The following RALYL variants were observed in gnomAD, a reference collection of about 807,000 sequenced individuals.
The protein encoded by RALYL is RNA-binding Raly-like protein.
RALYL carries 29 observed loss-of-function variants against 35.1 expected under a neutral mutation model. The ratio of observed to expected loss-of-function variants is 0.83; its 90% confidence interval spans 0.61 to 1.13. The LOEUF (loss-of-function observed/expected upper bound fraction) is 1.13. Ranked by LOEUF, RALYL falls within the 50% of genes most tolerant of loss-of-function variation. The probability of loss-of-function intolerance (pLI) is 0.00; values close to 1 mark genes in which losing one functional copy is unlikely to be tolerated. For missense variants in RALYL, 359 were observed against 360.4 expected, an observed-to-expected ratio of 1.00 and a Z score of 0.03; for synonymous variants, 120 against 127.6, an observed-to-expected ratio of 0.94 and a Z score of 0.40.
chr8:84,789,586 G>A (rs994550168), intron 3 of RALYL, among the ~76,000 whole-genome samples: 7 of 152,198 alleles, frequency 4.6e-5, no homozygotes, highest in South Asian at 2.1e-4. Flanking sequence ...GGCTGGGTGC[G>A]GTGGTTCACA....
intron 1 of RALYL, among the ~76,000 whole-genome samples, chr8:84,444,102 G>A (rs2048616886): frequency 6.6e-6 from 1 of 152,122 alleles, no homozygotes; most frequent in South Asian, 2.1e-4. Context: ...GTCAAGGCAG[G>A]AGAATCACTT....
chr8:84,264,248 C>G (rs1421187787), intron 1 of RALYL, among the ~76,000 whole-genome samples: 2 of 152,102 alleles, frequency 1.3e-5, no homozygotes, highest in South Asian at 2.1e-4. Flanking sequence ...AAAAGCATTC[C>G]TATTTCTCCA....
At position 84,463,656 on chromosome 8, in the gene RALYL, T is replaced by C. The variant is rs181558866; in HGVS notation, c.-23-65643T>C. Among the ~76,000 whole-genome samples the C allele has an allele frequency of 3.9e-5, 6 of 152,228 alleles. No individual in the cohort carries two copies. The East Asian group carries it at 1.2e-3, about 29-fold the overall frequency. ...TTCTTTAAGCTTATGTTTATTCCTC[T>C]GTAAAATAATGATGATAACAATGCT... is the stretch of plus-strand genomic sequence containing the variant. On this transcript the variant is annotated intron_variant, in intron 1 of 8. Coordinates refer to ENST00000521268, the MANE Select transcript of RALYL (RefSeq NM_173848.7).
At chr8:84,206,427 T>C (rs1427883723) in intron 1 of RALYL, among the ~76,000 whole-genome samples, 2 of 152,166 alleles carry the variant, frequency 1.3e-5, no homozygotes, top group Non-Finnish European at 2.9e-5. Flanking sequence ...GAACTTTTCT[T>C]ATTAGAAAAT....
intron 2 of RALYL, among the ~76,000 whole-genome samples, chr8:84,755,848 A>T (rs1276763219): frequency 7.3e-5 from 11 of 149,904 alleles, no homozygotes; most frequent in Non-Finnish European, 1.2e-4. Context: ...AGCTATTATT[A>T]AAAAAGGCAA....
At chr8:84,579,433 C>G (rs1810318661) in intron 2 of RALYL, among the ~76,000 whole-genome samples, 1 of 152,158 alleles carries the variant, frequency 6.6e-6, no homozygotes, top group South Asian at 2.1e-4. Context: ...GCGTGGGGCT[C>G]CAGCCCTAAT....
chr8:84,746,973 CAT>C (rs34146239), intron 2 of RALYL, among the ~76,000 whole-genome samples: 6,079 of 151,780 alleles, frequency 0.04, 373 homozygotes, highest in African/African-American at 0.14. Context: ...TTAATGATCA[CAT>C]ATTTATCTGG....
chr8:84,529,655 C>A lies in RALYL; in HGVS notation c.256+78C>A, dbSNP rs566210220. The A allele has an allele frequency of 6.7e-6, 9 of 1,337,386 alleles. No homozygotes were observed. The African/African-American group carries it at 1.0e-4, about 15-fold the overall frequency. 82.8% of individuals were successfully genotyped at this position (1,337,386 alleles called of 1,614,324 possible). A position where few individuals can be genotyped will look rare whatever the true frequency, so the allele number is the denominator to read the frequency against. On this transcript the variant is annotated intron_variant, in intron 2 of 8. Coordinates refer to ENST00000521268, the MANE Select transcript of RALYL (RefSeq NM_173848.7). ...TGTTTTATTTCACAAAACCCAACAC[C>A]ACTGTTGTTTCTACCTCTTCTTTAA...
At chr8:84,376,186 G>A (rs1856876843) in intron 1 of RALYL, among the ~76,000 whole-genome samples, 1 of 151,780 alleles carries the variant, frequency 6.6e-6, no homozygotes, top group African/African-American at 2.4e-5. Context: ...CAAGGAACAA[G>A]GGCAGGCACT....
At chr8:84,449,290 G>A (rs1029868610) in intron 1 of RALYL, among the ~76,000 whole-genome samples, 1 of 151,882 alleles carries the variant, frequency 6.6e-6, no homozygotes, top group Admixed American at 6.6e-5. Context: ...GGCAACAGTG[G>A]GGAGCTTTGA....
rs562975445 is a variant in RALYL, at chr8:84,806,394, C to T, written c.365+1592C>T. On this transcript the variant is annotated intron_variant, in intron 4 of 8. Transcript: ENST00000521268. ...AAAGGCCTGAAATAGCTTCTCTTCACGCCTCACTTCATGTAGTTTCTGTGC... is the reference window on the plus strand; with the variant it reads ...AAAGGCCTGAAATAGCTTCTCTTCATGCCTCACTTCATGTAGTTTCTGTGC... Among the ~76,000 whole-genome samples the T allele has an allele frequency of 7.5e-4, 114 of 152,222 alleles. 2 individuals are homozygous for T. The South Asian group carries it at 0.021, about 28-fold the overall frequency.
At chr8:84,738,490 A>G (rs1182359637) in intron 2 of RALYL, among the ~76,000 whole-genome samples, 2 of 152,044 alleles carry the variant, frequency 1.3e-5, no homozygotes, top group Admixed American at 1.3e-4. Context: ...TTAGATTTGC[A>G]TCACTGGCAG....
At chr8:84,233,682 G>A (rs751815156) in intron 1 of RALYL, among the ~76,000 whole-genome samples, 2 of 152,114 alleles carry the variant, frequency 1.3e-5, no homozygotes, top group Non-Finnish European at 1.5e-5. Context: ...TACTCACCAA[G>A]TCCTACTCAT....
At chr8:84,445,531 C>G (rs2048759768) in intron 1 of RALYL, among the ~76,000 whole-genome samples, 1 of 151,652 alleles carries the variant, frequency 6.6e-6, no homozygotes, top group Non-Finnish European at 1.5e-5. Context: ...TCCTGCATAT[C>G]ATAGTTCTAT....
intron 1 of RALYL, among the ~76,000 whole-genome samples, chr8:84,476,243 T>C (rs534321113): frequency 3.3e-5 from 5 of 152,320 alleles, no homozygotes; most frequent in African/African-American, 4.8e-5. Context: ...TAATTCTATT[T>C]CATATATCCA....
At chr8:84,590,325 A>T (rs1364844997) in intron 2 of RALYL, among the ~76,000 whole-genome samples, 1 of 152,208 alleles carries the variant, frequency 6.6e-6, no homozygotes, top group Non-Finnish European at 1.5e-5. Flanking sequence ...ATATCTCATG[A>T]TCATAAAATT....
intron 4 of RALYL, among the ~76,000 whole-genome samples, chr8:84,835,460 C>T (rs1375800607): frequency 7.2e-6 from 1 of 138,476 alleles, no homozygotes; most frequent in African/African-American, 2.7e-5. Context: ...CTGAGTTCAG[C>T]AGTTCGAGAC....
At chr8:84,595,763 GTTTTTTTT>G (rs35714907) in intron 2 of RALYL, among the ~76,000 whole-genome samples, 2,919 of 120,212 alleles carry the variant, frequency 0.024, 121 homozygotes, top group African/African-American at 0.083. Context: ...AAAACCATAA[GTTTTTTTT>G]TTTTTTTTTT....
At chr8:84,508,508 G>T (rs1349599268) in intron 1 of RALYL, among the ~76,000 whole-genome samples, 3 of 152,066 alleles carry the variant, frequency 2.0e-5, no homozygotes, top group Non-Finnish European at 4.4e-5. Flanking sequence ...TAATGGTGAA[G>T]TATTTTGTAA....
Sources: gnomAD v4.1 joint callset for allele counts (sites outside exome capture counted in the v4.1 genomes callset) on GRCh38, gnomAD v4.1.1 for gene constraint, MANE v1.5 for transcripts, NCBI Gene and HGNC (gene_info 2026-07-23, HGNC 2026-07-21) for gene names.